The following HSD17B2 variants were observed in gnomAD, a reference collection of about 807,000 sequenced individuals.
The protein encoded by HSD17B2 is hydroxysteroid 17-beta dehydrogenase 2.
Under a neutral mutation model 26.9 loss-of-function variants are expected in HSD17B2, and 32 were observed. The ratio of observed to expected loss-of-function variants is 1.19; its 90% confidence interval spans 0.90 to 1.60. The LOEUF is 1.60. Ranked by LOEUF, HSD17B2 falls within the 40% of genes most tolerant of loss-of-function variation. HSD17B2 has a pLI of 0.00. For synonymous variants in HSD17B2, 246 were observed against 186.7 expected, an observed-to-expected ratio of 1.32 and a Z score of -2.59; for missense variants, 613 against 468.6, an observed-to-expected ratio of 1.31 and a Z score of -2.85.
intron 4 of HSD17B2, chr16:82,093,241 T>C (rs979916300): frequency 6.6e-6 from 1 of 152,198 alleles, no homozygotes; most frequent in Non-Finnish European, 1.5e-5. Context: ...AACCTCCCAA[T>C]AGGTAATCAC....
intron 1 of HSD17B2, among the ~76,000 whole-genome samples, chr16:82,039,793 G>T (rs891873799): frequency 6.6e-6 from 1 of 152,144 alleles, no homozygotes; most frequent in African/African-American, 2.4e-5. Context: ...CATCTACTGT[G>T]TACAGAGCAG....
At chr16:82,068,419 T>C (rs754285388) in intron 2 of HSD17B2, 37 bp downstream of exon 2, 2 of 1,530,912 alleles carry the variant, frequency 1.3e-6, no homozygotes, top group East Asian at 4.6e-5. Context: ...TTTACCCTCC[T>C]CCTGAATGCC....
intron 1 of HSD17B2, among the ~76,000 whole-genome samples, chr16:82,059,572 A>C (rs375520045): frequency 3.3e-5 from 5 of 152,112 alleles, no homozygotes; most frequent in South Asian, 2.1e-4. Flanking sequence ...CCTCTTTCCT[A>C]ATCAGTATGC....
intron 1 of HSD17B2, among the ~76,000 whole-genome samples, chr16:82,041,000 T>TTACCTTTACCTTTACCTACTACAGGTA (rs372656513): frequency 5.8e-4 from 89 of 152,342 alleles, no homozygotes; most frequent in African/African-American, 2.1e-3. Flanking sequence ...TCATGCGGTT[T>TTACCTTTACCTTTACCTACTACAGGTA]AAGTTTTACC....
chr16:82,057,056 T>C (rs1389220824), intron 1 of HSD17B2, among the ~76,000 whole-genome samples: 1 of 152,150 alleles, frequency 6.6e-6, no homozygotes, highest in East Asian at 1.9e-4. Context: ...TCAATATTCA[T>C]GAGTCCAAAC....
chr16:82,067,913 T>C (rs1398585737), intron 1 of HSD17B2, among the ~76,000 whole-genome samples: 1 of 152,212 alleles, frequency 6.6e-6, no homozygotes, highest in Non-Finnish European at 1.5e-5. Flanking sequence ...CCTTCCCCCA[T>C]GCCTTTCTCT....
chr16:82,097,246 GTCTA>G (rs1296433727), intron 4 of HSD17B2: 101 of 149,136 alleles, frequency 6.8e-4, no homozygotes, highest in Non-Finnish European at 1.1e-3. Context: ...CTATGTCTAT[GTCTA>G]TGTCTATGTC....
At chr16:82,079,316 G>A (rs929825001) in intron 3 of HSD17B2, among the ~76,000 whole-genome samples, 5 of 152,196 alleles carry the variant, frequency 3.3e-5, no homozygotes, top group Admixed American at 3.3e-4. Flanking sequence ...TGTGGAGGCT[G>A]GAAGTCGAAG....
intron 1 of HSD17B2, among the ~76,000 whole-genome samples, chr16:82,045,053 G>A (rs1913880142): frequency 6.8e-6 from 1 of 148,148 alleles, no homozygotes; most frequent in South Asian, 2.1e-4. Context: ...AACATGAGAG[G>A]CAGAGGTTGC....
chr16:82,066,722 A>C (rs1240012265), intron 1 of HSD17B2, among the ~76,000 whole-genome samples: 1 of 151,938 alleles, frequency 6.6e-6, no homozygotes. Context: ...TTGCATTAAA[A>C]TTGGATTTTA....
chr16:82,071,189 T>G, intron 3 of HSD17B2, 62 bp downstream of exon 3: 1 of 1,524,480 alleles, frequency 6.6e-7, no homozygotes, highest in Non-Finnish European at 9.1e-7. Context: ...CTCATGGCAT[T>G]CTATGTGGGC....
At chr16:82,066,833 G>A (rs1015204461) in intron 1 of HSD17B2, among the ~76,000 whole-genome samples, 1 of 152,104 alleles carries the variant, frequency 6.6e-6, no homozygotes, top group African/African-American at 2.4e-5. Context: ...CTTTAAAACT[G>A]CTTTGTCTTA....
At chr16:82,044,219 T>C (rs1480884949) in intron 1 of HSD17B2, 3 of 152,152 alleles carry the variant, frequency 2.0e-5, no homozygotes, top group East Asian at 3.8e-4. Context: ...TGAGGTGAAA[T>C]TAAATCAGAA....
chr16:82,097,814 T>C (rs1171760683), intron 4 of HSD17B2: 3 of 258,394 alleles, frequency 1.2e-5, no homozygotes, highest in Non-Finnish European at 2.2e-5. Context: ...TGGTGATGCC[T>C]GTAATCCCAG....
rs966911667 is a variant in HSD17B2, at chr16:82,098,394, C to T, written c.1122C>T (p.Pro374=). The T allele has an allele frequency of 6.8e-6, 11 of 1,613,476 alleles. No homozygotes were observed. The highest frequency in any genetic ancestry group is 2.2e-5 in the South Asian group (2 of 90,986). ...ATTTTGGCCAAGACAAGCCCATGCCCAGAGCTCTAAGAATGCCTAACTACA... is the reference window on the plus strand; with the variant it reads ...ATTTTGGCCAAGACAAGCCCATGCCTAGAGCTCTAAGAATGCCTAACTACA... ...KRHFGQDKPM[P]RALRMPNYKK... Residue 374 remains proline (P), a synonymous_variant, in exon 5 of 5, where the codon CCC becomes CCT. Transcript: ENST00000199936.
rs1221188703 is a variant in HSD17B2, at chr16:82,043,407, G to A, written c.265+7718G>A. The stretch of plus-strand genomic sequence containing the variant: ...GTTTATAAAAATCATATAGATGGCC[G>A]GGCGCGGTGGCTCATGCCTGTAATC... On this transcript the variant is annotated intron_variant, in intron 1 of 4. Transcript: ENST00000199936. Among the ~76,000 whole-genome samples, 12 of 124,278 alleles carry A rather than the reference G, an allele frequency of 9.7e-5. 3 individuals carry two copies. Among genetic ancestry groups the A allele is most frequent in the African/African-American group, 5.7e-4 (9 of 15,788 alleles). 81.5% of individuals were successfully genotyped at this position (124,278 alleles called of 152,430 possible). A position where few individuals can be genotyped will look rare whatever the true frequency, so the allele number is the denominator to read the frequency against.
intron 3 of HSD17B2, among the ~76,000 whole-genome samples, chr16:82,088,818 T>C (rs1176524386): frequency 6.6e-6 from 1 of 152,204 alleles, no homozygotes; most frequent in African/African-American, 2.4e-5. Context: ...ATTATATCAG[T>C]TAAGCCTTGG....
At chr16:82,053,001 C>G (rs1348699558) in intron 1 of HSD17B2, among the ~76,000 whole-genome samples, 1 of 152,218 alleles carries the variant, frequency 6.6e-6, no homozygotes, top group African/African-American at 2.4e-5. Context: ...AGCCACCAGC[C>G]CCTCTTGGGG....
chr16:82,081,050 T>C (rs2144002191), intron 3 of HSD17B2, among the ~76,000 whole-genome samples: 1 of 152,242 alleles, frequency 6.6e-6, no homozygotes, highest in East Asian at 1.9e-4. Context: ...CCCTGGTTTC[T>C]TTCCTCATCT....
Sources: allele counts gnomAD v4.1 joint callset (sites outside exome capture counted in the v4.1 genomes callset), GRCh38; gene constraint gnomAD v4.1.1; transcripts MANE v1.5; gene names NCBI Gene and HGNC (gene_info 2026-07-23, HGNC 2026-07-21).